The following PPFIBP1 variants were observed in gnomAD, a reference collection of about 807,000 sequenced individuals.
PPFIBP1 encodes PPFIB scaffold protein 1.
In PPFIBP1, 112 loss-of-function variants were observed where a neutral mutation model predicts 137.8. The ratio of observed to expected loss-of-function variants is 0.81; its 90% CI spans 0.70 to 0.95. The LOEUF (loss-of-function observed/expected upper bound fraction) is 0.95, where lower values mean the gene tolerates loss of function less well. PPFIBP1 is among the 40% of genes least tolerant of loss of function. PPFIBP1 has a pLI of 0.00. For missense variants in PPFIBP1, 1,083 were observed against 1,196.6 expected, an observed-to-expected ratio of 0.91 and a Z score of 1.40; for synonymous variants, 378 against 417.3, an observed-to-expected ratio of 0.91 and a Z score of 1.15.
At chr12:27,634,821 C>G (rs1336163586) in intron 3 of PPFIBP1, 89 bp from the exon 4 acceptor site, 1 of 1,019,618 alleles carries the variant, frequency 9.8e-7, no homozygotes, top group Non-Finnish European at 1.5e-6. Flanking sequence ...TTGTTCCTTA[C>G]TGTGACTAGA....
chr12:27,682,012 G>A (rs2060903749), intron 22 of PPFIBP1, among the ~76,000 whole-genome samples: 1 of 133,542 alleles, frequency 7.5e-6, no homozygotes, highest in South Asian at 2.7e-4. Flanking sequence ...TGTAAGATAT[G>A]CAATTAACTT....
rs761574125 is a variant in PPFIBP1 at position 27,541,263 on chromosome 12, GA to G, written c.-124+16909del. On this transcript the variant is annotated intron_variant, in intron 1 of 29. Coordinates refer to ENST00000228425, the MANE Select transcript of PPFIBP1 (RefSeq NM_003622.4). ...CGTGTGTGTGTGTGTGAGAGAGAGA[GA>G]AAAAAAAAAATAGAGAAAGTTGGTG... 8.3e-3 allele frequency among the ~76,000 whole-genome samples: 1,214 copies of G among 145,804 alleles called. 7 individuals carry two copies. Among genetic ancestry groups the G allele is most frequent in the Non-Finnish European group, 0.01 (687 of 65,868 alleles).
intron 2 of PPFIBP1, chr12:27,599,495 A>G (rs1437736485): frequency 2.2e-6 from 1 of 455,762 alleles, no homozygotes; most frequent in African/African-American, 2.0e-5. Context: ...CCAATTCCTT[A>G]AAATCTCTCT....
intron 1 of PPFIBP1, among the ~76,000 whole-genome samples, chr12:27,555,728 A>G (rs2048654227): frequency 6.6e-6 from 1 of 152,184 alleles, no homozygotes; most frequent in African/African-American, 2.4e-5. Context: ...TCATCTTTTC[A>G]TTGACTCAAA....
At chr12:27,576,521 T>A (rs2050574841) in intron 1 of PPFIBP1, among the ~76,000 whole-genome samples, 1 of 152,172 alleles carries the variant, frequency 6.6e-6, no homozygotes, top group African/African-American at 2.4e-5. Context: ...GCTCATTACG[T>A]TCCAGAGCAG....
At chr12:27,686,027 A>AT (rs1010161790) in intron 24 of PPFIBP1, among the ~76,000 whole-genome samples, 15 of 152,258 alleles carry the variant, frequency 9.9e-5, no homozygotes, top group Non-Finnish European at 1.9e-4. Flanking sequence ...GCATTCAGAT[A>AT]TTTTTTTAAG....
chr12:27,543,128 A>T (rs182566842), intron 1 of PPFIBP1, among the ~76,000 whole-genome samples: 1 of 150,004 alleles, frequency 6.7e-6, no homozygotes, highest in African/African-American at 2.5e-5. Flanking sequence ...AACCACATAA[A>T]AAAAACTCCC....
chr12:27,601,773 C>G (rs1236356464), intron 2 of PPFIBP1, among the ~76,000 whole-genome samples: 1 of 152,176 alleles, frequency 6.6e-6, no homozygotes, highest in African/African-American at 2.4e-5. Context: ...CCATCTAGCA[C>G]GGCCATGAAC....
At chr12:27,576,658 C>T (rs1255978344) in intron 1 of PPFIBP1, among the ~76,000 whole-genome samples, 48 of 152,230 alleles carry the variant, frequency 3.2e-4, no homozygotes, top group South Asian at 8.3e-4. Flanking sequence ...TGACAGGTGG[C>T]GGTTGGATTT....
chr12:27,531,275 G>C (rs1348688141), intron 1 of PPFIBP1, among the ~76,000 whole-genome samples: 3 of 151,950 alleles, frequency 2.0e-5, no homozygotes, highest in African/African-American at 7.3e-5. Flanking sequence ...ATTTTTTGAA[G>C]GATTAGAAAT....
chr12:27,687,647 C>A, intron 25 of PPFIBP1, 140 bp downstream of exon 25: 1 of 1,001,036 alleles, frequency 1.0e-6, no homozygotes, highest in Non-Finnish European at 1.4e-6. Flanking sequence ...TAGGCTTTTT[C>A]TGTATTCCTT....
intron 11 of PPFIBP1, among the ~76,000 whole-genome samples, chr12:27,664,092 G>A (rs567259826): frequency 5.9e-4 from 90 of 152,254 alleles, no homozygotes; most frequent in Non-Finnish European, 1.1e-3. Flanking sequence ...GCAGCTAAAG[G>A]ATAGGATCTC....
chr12:27,552,943 G>A lies in PPFIBP1; in HGVS notation c.-123-25209G>A, dbSNP rs1309869252. On this transcript the variant is annotated intron_variant, in intron 1 of 29. Transcript: ENST00000228425. Reference sequence around the variant, plus strand: ...AGGCCAGGGTGATCGGACACCTGGGGGATGGTGGAGGATGAGGAGACTGAT... The same window carrying A: ...AGGCCAGGGTGATCGGACACCTGGGAGATGGTGGAGGATGAGGAGACTGAT... Among the ~76,000 whole-genome samples, 3 of 152,102 alleles carry A rather than the reference G, an allele frequency of 2.0e-5. No homozygotes were observed. The East Asian group carries it at 5.8e-4, about 29-fold the overall frequency.
chr12:27,561,562 G>A (rs748457190), intron 1 of PPFIBP1, among the ~76,000 whole-genome samples: 2 of 152,096 alleles, frequency 1.3e-5, no homozygotes, highest in East Asian at 1.9e-4. Context: ...CTCTGATGGC[G>A]TCTCTTTTCC....
At chr12:27,534,226 T>C (rs1206924957) in intron 1 of PPFIBP1, among the ~76,000 whole-genome samples, 1 of 152,044 alleles carries the variant, frequency 6.6e-6, no homozygotes, top group African/African-American at 2.4e-5. Flanking sequence ...GGGCAGTGGG[T>C]TAGCCTCGAA....
chr12:27,639,429 G>A (rs1249269554), intron 4 of PPFIBP1, among the ~76,000 whole-genome samples: 1 of 152,158 alleles, frequency 6.6e-6, no homozygotes, highest in Non-Finnish European at 1.5e-5. Flanking sequence ...TTGATGAGTT[G>A]CCCTAGAACA....
intron 2 of PPFIBP1, among the ~76,000 whole-genome samples, chr12:27,587,448 C>T (rs924328728): frequency 4.0e-5 from 6 of 151,698 alleles, no homozygotes; most frequent in Non-Finnish European, 8.8e-5. Context: ...TGGTGAAACC[C>T]CGTCTCTACT....
intron 15 of PPFIBP1, 38 bp from the exon 16 acceptor site, chr12:27,673,729 A>G (rs770238459): frequency 1.3e-6 from 2 of 1,546,048 alleles, no homozygotes; most frequent in Non-Finnish European, 1.8e-6. Flanking sequence ...GTGGCACTGG[A>G]GCCACTTATT....
intron 1 of PPFIBP1, 123 bp downstream of exon 1, chr12:27,524,488 T>C (rs1277829171): frequency 6.6e-6 from 1 of 151,850 alleles, no homozygotes; most frequent in Non-Finnish European, 1.5e-5. Flanking sequence ...TCACTCCTGT[T>C]TCCCAATGGG....
Sources: allele counts gnomAD v4.1 joint callset (sites outside exome capture counted in the v4.1 genomes callset), GRCh38; gene constraint gnomAD v4.1.1; transcripts MANE v1.5; gene names NCBI Gene and HGNC (gene_info 2026-07-23, HGNC 2026-07-21).